BNC1: variants seen among roughly 807,000 people sequenced by gnomAD.
BNC1 encodes zinc finger protein basonuclin-1.
In BNC1, 8 loss-of-function variants were observed where a neutral mutation model predicts 66.5. The observed-to-expected ratio is 0.12, with a 90% CI of 0.07 to 0.22. BNC1 has a LOEUF of 0.22. Ranked by LOEUF, BNC1 falls within the 10% of genes least tolerant of loss-of-function variation. BNC1 has a pLI of 1.00. For missense variants in BNC1, 1,069 were observed against 1,241.3 expected (o/e 0.86, Z 2.09); for synonymous variants, 454 against 452.6 (o/e 1.00, Z -0.04).
chr15:83,284,374 C>T (rs1407565549), intron 1 of BNC1, among the ~76,000 whole-genome samples, 156 bp downstream of exon 1: 1 of 151,818 alleles, frequency 6.6e-6, no homozygotes, highest in Non-Finnish European at 1.5e-5. Flanking sequence ...CACGGTCCCT[C>T]CCGCCGCGCC....
chr15:83,275,269 G>C (rs1205408406), intron 1 of BNC1, among the ~76,000 whole-genome samples: 1 of 152,224 alleles, frequency 6.6e-6, no homozygotes, highest in Non-Finnish European at 1.5e-5. Flanking sequence ...GAAGGCCGAG[G>C]CAGGGAACCT....
intron 1 of BNC1, among the ~76,000 whole-genome samples, chr15:83,269,397 T>A (rs1180421001): frequency 6.6e-6 from 1 of 152,068 alleles, no homozygotes; most frequent in Admixed American, 6.6e-5. Flanking sequence ...AGAATTTGTA[T>A]GATTCACAAG....
In BNC1 at chr15:83,257,850, G is replaced by A. The variant is rs767919635; in HGVS notation, c.2577C>T (p.Ser859=). The A allele has an allele frequency of 2.5e-6, 4 of 1,614,166 alleles. No homozygotes were observed. The highest frequency in any genetic ancestry group is 2.2e-5 in the South Asian group (2 of 91,080). Reference sequence around the variant, plus strand: ...TCTCTGACTTCATGCTCGAGGTAGTGCTCAAATCCAGGATGGTGCCCTCGC... The same window carrying A: ...TCTCTGACTTCATGCTCGAGGTAGTACTCAAATCCAGGATGGTGCCCTCGC... ...PLSEGTILDL[S]TTSSMKSESS... Residue 859 remains serine (S), a synonymous_variant, in exon 5 of 5, where the codon AGC becomes AGT. Transcript: ENST00000345382.
intron 1 of BNC1, among the ~76,000 whole-genome samples, chr15:83,271,327 T>C (rs2038267560): frequency 6.6e-6 from 1 of 152,224 alleles, no homozygotes; most frequent in Non-Finnish European, 1.5e-5. Flanking sequence ...CTACGATTTA[T>C]TTTGGACTAG....
At position 83,284,483 on chromosome 15, in the gene BNC1, C is replaced by G. The variant is rs905197981; in HGVS notation, c.99+47G>C. The G allele has an allele frequency of 7.3e-5, 84 of 1,152,502 alleles. No individual in the cohort carries two copies. The African/African-American group carries it at 1.3e-3, about 18-fold the overall frequency. 71.4% of individuals were successfully genotyped at this position (1,152,502 alleles called of 1,614,324 possible). A position where few individuals can be genotyped will look rare whatever the true frequency, so the allele number is the denominator to read the frequency against. ...GCCCAGCGGCGTCCCGGGCCGCCTG[C>G]TCCGCGCACAGAGAATCCCCGCGCC... On this transcript the variant is annotated intron_variant, in intron 1 of 4. Transcript: ENST00000345382.
chr15:83,272,987 G>A (rs553835372), intron 1 of BNC1, among the ~76,000 whole-genome samples: 1 of 152,056 alleles, frequency 6.6e-6, no homozygotes, highest in Non-Finnish European at 1.5e-5. Flanking sequence ...CTTGGGGGGG[G>A]GCCTATACCA....
At chr15:83,283,284 G>T in intron 1 of BNC1, 1 of 1,524,342 alleles carries the variant, frequency 6.6e-7, no homozygotes, top group Non-Finnish European at 8.8e-7. Context: ...CCACAATCTT[G>T]TCACATCTGG....
intron 1 of BNC1, chr15:83,283,309 G>T: frequency 6.7e-7 from 1 of 1,496,730 alleles, no homozygotes; most frequent in Non-Finnish European, 8.9e-7. Context: ...CAAATCCCGA[G>T]GAACTCCGGC....
rs2038070168 is a variant in BNC1, at chr15:83,256,064, A to G, written c.*1378T>C. The stretch of plus-strand genomic sequence containing the variant: ...TAAGTTGTCACACTTATTAAAACAA[A>G]AAAAGCTGAAATAATTGGTAACAGG... On this transcript the variant is annotated 3_prime_UTR_variant, in exon 5 of 5. Transcript: ENST00000345382. The G allele has an allele frequency of 6.6e-6, 1 of 152,662 alleles. No homozygotes were observed. The highest frequency in any genetic ancestry group is 2.1e-4 in the South Asian group (1 of 4,834). The allele number at this position is 152,662 out of a possible 1,614,324, so 9.5% of individuals were successfully genotyped here.
intron 3 of BNC1, among the ~76,000 whole-genome samples, chr15:83,265,639 G>A (rs1173655132): frequency 6.6e-6 from 1 of 152,122 alleles, no homozygotes; most frequent in African/African-American, 2.4e-5. Flanking sequence ...TACATAAACG[G>A]TTGTTTCTAG....
At chr15:83,260,287 A>G (rs2151434479) in intron 4 of BNC1, among the ~76,000 whole-genome samples, 1 of 152,326 alleles carries the variant, frequency 6.6e-6, no homozygotes, top group East Asian at 1.9e-4. Context: ...AAAGCCACTC[A>G]TCTCACTAAA....
intron 1 of BNC1, chr15:83,283,158 C>A (rs1387347882): frequency 1.3e-6 from 2 of 1,535,532 alleles, no homozygotes; most frequent in Non-Finnish European, 1.7e-6. Flanking sequence ...GCGGTGGCAG[C>A]CCCGCAGCCA....
At position 83,283,225 on chromosome 15, in the gene BNC1, G is replaced by C. The variant is rs560201352; in HGVS notation, c.99+1305C>G. Reference sequence around the variant, plus strand: ...TTCTACACCGCATTTGTGAAAGTTTGGCTCGGAGCTACGCGCTGATTAATA... The same window carrying C: ...TTCTACACCGCATTTGTGAAAGTTTCGCTCGGAGCTACGCGCTGATTAATA... On this transcript the variant is annotated intron_variant, in intron 1 of 4. Transcript: ENST00000345382. The C allele has an allele frequency of 4.0e-5, 61 of 1,535,672 alleles. No individual in the cohort carries two copies. In the African/African-American group the frequency reaches 7.5e-4, roughly 19 times the overall value.
At chr15:83,260,916 T>A (rs2038133414) in intron 4 of BNC1, among the ~76,000 whole-genome samples, 1 of 152,218 alleles carries the variant, frequency 6.6e-6, no homozygotes, top group Admixed American at 6.5e-5. Context: ...TAAAATGCAT[T>A]TCAAGTTCTA....
At position 83,284,611 on chromosome 15, in the gene BNC1, C is replaced by A. The variant is rs2038425236; in HGVS notation, c.18G>T (p.Pro6=). The A allele has an allele frequency of 2.0e-6, 2 of 1,002,186 alleles. No homozygotes were observed. Among genetic ancestry groups the A allele is most frequent in the Non-Finnish European group, 1.2e-6 (1 of 842,840 alleles). The allele number at this position is 1,002,186 out of a possible 1,614,324, so 62.1% of individuals were successfully genotyped here. A position where few individuals can be genotyped will look rare whatever the true frequency, so the allele number is the denominator to read the frequency against. MRRRP[P]SRGGRGAARA... ...GGGCCGCCCCGCGTCCGCCCCGGCT[C>A]GGCGGGCGCCGCCGCATCCACGCTC... The change falls in exon 1 of 5, where the codon CCG becomes CCT. Residue 6 remains proline, a synonymous_variant. Coordinates refer to ENST00000345382, the MANE Select transcript of BNC1 (RefSeq NM_001717.4).
intron 1 of BNC1, chr15:83,283,048 A>AC: frequency 1.4e-6 from 2 of 1,412,978 alleles, no homozygotes; most frequent in Non-Finnish European, 1.9e-6. Flanking sequence ...ACGTTACCGA[A>AC]CCCCCGAGCG....
intron 3 of BNC1, among the ~76,000 whole-genome samples, chr15:83,266,349 A>G (rs552602250): frequency 3.9e-5 from 6 of 152,304 alleles, no homozygotes; most frequent in African/African-American, 1.2e-4. Context: ...GAACACAGAA[A>G]TATAAAAAAT....
chr15:83,258,394 T>G (rs2038106643), intron 4 of BNC1, among the ~76,000 whole-genome samples: 1 of 152,234 alleles, frequency 6.6e-6, no homozygotes, highest in South Asian at 2.1e-4. Context: ...AGTGTCTGTT[T>G]GATGTACTTT....
Position 83,263,585 on chromosome 15 carries a change from C to T in BNC1, c.1666G>A (p.Glu556Lys). 1 of 1,614,238 alleles carries T rather than the reference C, an allele frequency of 6.2e-7. No homozygotes were observed. Among genetic ancestry groups the T allele is most frequent in the African/African-American group, 1.3e-5 (1 of 75,058 alleles). Residue 556 changes from glutamate (E) to lysine (K), a missense_variant, in exon 4 of 5, where the codon GAG (glutamate) becomes AAG (lysine). Coordinates refer to ENST00000345382, the MANE Select transcript of BNC1 (RefSeq NM_001717.4). ...TCTGAGCTGAGGTTGTGTCTTTTCT[C>T]ATTAGCTATTTCCACAGCTTCTTTC... ...IEKEAVEIAN[E>K]KRHNLSSDED...
Sources: gnomAD v4.1 joint callset for allele counts (sites outside exome capture counted in the v4.1 genomes callset) on GRCh38, gnomAD v4.1.1 for gene constraint, MANE v1.5 for transcripts, NCBI Gene and HGNC (gene_info 2026-07-23, HGNC 2026-07-21) for gene names.